Variants in L3MBTL1 observed in about 807,000 individuals in gnomAD.
L3MBTL1 encodes the protein lethal(3)malignant brain tumor-like protein 1.
Under a neutral mutation model 105.3 loss-of-function variants are expected in L3MBTL1, and 75 were observed. The ratio of observed to expected loss-of-function variants is 0.71; its 90% CI spans 0.59 to 0.86. L3MBTL1 has a LOEUF of 0.86. Among genes scored for constraint, L3MBTL1 ranks in the 40% least tolerant of loss-of-function variants. The probability of loss-of-function intolerance (pLI) is 0.00; values close to 1 mark genes in which losing one functional copy is unlikely to be tolerated. For missense variants in L3MBTL1, 1,069 were observed against 1,126.4 expected (o/e 0.95, Z 0.73); for synonymous variants, 452 against 436.2 (o/e 1.04, Z -0.45).
rs1173358346 is a variant in L3MBTL1, at chr20:43,541,423, A to G, written c.*295A>G. 1 of 370,370 alleles carries G rather than the reference A, an allele frequency of 2.7e-6. No individual in the cohort carries two copies. 22.9% of individuals were successfully genotyped at this position (370,370 alleles called of 1,614,324 possible). A position where few individuals can be genotyped will look rare whatever the true frequency, so the allele number is the denominator to read the frequency against. ...TGCAGAGCCATTGTGAGCATTGGAA[A>G]TGATGAATGAATCATACCAGAACGT... On this transcript the variant is annotated 3_prime_UTR_variant, in exon 22 of 22. Transcript: ENST00000418998.
At chr20:43,511,027 C>T (rs893522763) in intron 1 of L3MBTL1, among the ~76,000 whole-genome samples, 2 of 152,086 alleles carry the variant, frequency 1.3e-5, no homozygotes, top group African/African-American at 2.4e-5. Context: ...TGGGCCCATA[C>T]AGTGTTTTTT....
chr20:43,525,404 A>G (rs1403464554), intron 7 of L3MBTL1, among the ~76,000 whole-genome samples: 1 of 152,210 alleles, frequency 6.6e-6, no homozygotes, highest in Non-Finnish European at 1.5e-5. Context: ...TTATTAAAAA[A>G]AAAAGCATCT....
chr20:43,544,564 G>A (rs1040329389), downstream of L3MBTL1, among the ~76,000 whole-genome samples: 11 of 152,214 alleles, frequency 7.2e-5, no homozygotes, highest in East Asian at 2.1e-3. Context: ...ACAGACTCTG[G>A]CCTTTGCTTT....
In L3MBTL1 at chr20:43,527,270, C is replaced by A. The variant is rs138820425; in HGVS notation, c.863-1387C>A. Among the ~76,000 whole-genome samples, 27 of 152,300 alleles carry A rather than the reference C, an allele frequency of 1.8e-4. No individual in the cohort carries two copies. In the East Asian group the frequency reaches 4.8e-3, roughly 27 times the overall value. ...GAGGTGTAGAAGTTTCTAGAAGAAG[C>A]TGGAGCTATTTACCTAAGGGATATG... On this transcript the variant is annotated intron_variant, in intron 7 of 21. Coordinates refer to ENST00000418998, the MANE Select transcript of L3MBTL1 (RefSeq NM_001377303.1).
At position 43,541,861 on chromosome 20, in the gene L3MBTL1, G is replaced by A; in HGVS notation, c.*733G>A. On this transcript the variant is annotated 3_prime_UTR_variant, in exon 22 of 22. Transcript: ENST00000418998. ...TTTACCTATACAAAATGACTGCTAT[G>A]GTGGGAACACAATAAACACCAGTTT... is the stretch of plus-strand genomic sequence containing the variant. 1.0e-6 allele frequency: 1 copy of A among 985,382 alleles called. No homozygotes were observed. The highest frequency in any genetic ancestry group is 1.2e-6 in the Non-Finnish European group (1 of 829,902). The allele number at this position is 985,382 out of a possible 1,614,324, so 61.0% of individuals were successfully genotyped here. A position where few individuals can be genotyped will look rare whatever the true frequency, so the allele number is the denominator to read the frequency against.
intron 10 of L3MBTL1, 63 bp from the exon 11 acceptor site, chr20:43,530,735 G>A (rs770583217): frequency 1.1e-4 from 154 of 1,449,954 alleles, no homozygotes; most frequent in Admixed American, 2.0e-4. Flanking sequence ...CTTCACTGTG[G>A]GGTGCCCTTG....
intron 7 of L3MBTL1, among the ~76,000 whole-genome samples, chr20:43,524,443 GCTCATAAT>G (rs1161654641): frequency 6.6e-6 from 1 of 152,098 alleles, no homozygotes; most frequent in Non-Finnish European, 1.5e-5. Context: ...CACTTAATGA[GCTCATAAT>G]CTAGTTGCAG....
chr20:43,533,903 A>C, intron 13 of L3MBTL1, 105 bp from the exon 14 acceptor site: 1 of 801,910 alleles, frequency 1.2e-6, no homozygotes, highest in Non-Finnish European at 2.2e-6. Flanking sequence ...GAGAGATTCT[A>C]CTCCAAGGGC....
In L3MBTL1 at chr20:43,530,423, A is replaced by G; in HGVS notation, c.1192+4A>G. 1 of 1,613,762 alleles carries G rather than the reference A, an allele frequency of 6.2e-7. No homozygotes were observed. ...CACAAGCTGCAGCCTCCCAAAGGTA[A>G]GGCCTAGCTGGGTTGGTCACAGTGA... On this transcript the variant is annotated splice_donor_region_variant and intron_variant, in intron 10 of 21. Coordinates refer to ENST00000418998, the MANE Select transcript of L3MBTL1 (RefSeq NM_001377303.1).
In L3MBTL1 at chr20:43,541,415, C is replaced by A; in HGVS notation, c.*287C>A. On this transcript the variant is annotated 3_prime_UTR_variant, in exon 22 of 22. Coordinates refer to ENST00000418998, the MANE Select transcript of L3MBTL1 (RefSeq NM_001377303.1). ...GTCTACCTTGCAGAGCCATTGTGAG[C>A]ATTGGAAATGATGAATGAATCATAC... 1 of 385,822 alleles carries A rather than the reference C, an allele frequency of 2.6e-6. No homozygotes were observed. The highest frequency in any genetic ancestry group is 4.7e-6 in the Non-Finnish European group (1 of 212,988). 23.9% of individuals were successfully genotyped at this position (385,822 alleles called of 1,614,324 possible).
exon 19 of L3MBTL1, chr20:43,549,741 T>A (rs887194622): frequency 1.3e-5 from 2 of 152,162 alleles, no homozygotes; most frequent in Non-Finnish European, 2.9e-5. Flanking sequence ...TGTGTGTGTG[T>A]GTGTGTGTGT....
rs145982045 is a variant in L3MBTL1 at position 43,508,703 on chromosome 20, C to T, written c.-29+959C>T. On this transcript the variant is annotated intron_variant, in intron 1 of 21. Transcript: ENST00000418998. ...AGGTCGGGTCCCCCGAAACAGACTC[C>T]GATAGCAAGATTTGAGTGTAGGTTT... 3.3e-5 allele frequency among the ~76,000 whole-genome samples: 5 copies of T among 152,312 alleles called. No individual in the cohort carries two copies. In the South Asian group the frequency reaches 6.2e-4, roughly 19 times the overall value.
At chr20:43,514,511 G>A in intron 3 of L3MBTL1, 124 bp from the exon 4 acceptor site, 1 of 1,550,936 alleles carries the variant, frequency 6.4e-7, no homozygotes, top group Non-Finnish European at 8.7e-7. Flanking sequence ...CCCCTGGCGT[G>A]GAGTCTTGAG....
chr20:43,514,763 C>G lies in L3MBTL1; in HGVS notation c.489C>G (p.Gly163=), dbSNP rs1203735995. 1.3e-6 allele frequency: 2 copies of G among 1,552,410 alleles called. No individual in the cohort carries two copies. The highest frequency in any genetic ancestry group is 2.4e-5 in the South Asian group (2 of 84,410). The part of the protein sequence containing the change: ...GGAPAGDGEA[G]PQQAEDHPQN... ...CCCCGGCGGGAGATGGCGAGGCGGGCCCCCAACAGGCGGGTAGGAGCCCCG... is the reference window on the plus strand; with the variant it reads ...CCCCGGCGGGAGATGGCGAGGCGGGGCCCCAACAGGCGGGTAGGAGCCCCG... Residue 163 remains glycine (G), a synonymous_variant, in exon 4 of 22, where the codon GGC becomes GGG. Coordinates refer to ENST00000418998, the MANE Select transcript of L3MBTL1 (RefSeq NM_001377303.1).
At chr20:43,545,582 G>A (rs576358111), downstream of L3MBTL1, among the ~76,000 whole-genome samples, 1 of 152,148 alleles carries the variant, frequency 6.6e-6, no homozygotes, top group African/African-American at 2.4e-5. Flanking sequence ...AGGAGGTGCT[G>A]GAGAGAGAAT....
At chr20:43,515,228 G>C (rs2018324862) in intron 5 of L3MBTL1, 64 bp from the exon 6 acceptor site, 5 of 1,613,356 alleles carry the variant, frequency 3.1e-6, no homozygotes, top group Non-Finnish European at 4.2e-6. Context: ...CTGTTCAGGG[G>C]TTAGGAGAGG....
chr20:43,541,896 G>A, downstream of L3MBTL1: 2 of 985,416 alleles, frequency 2.0e-6, no homozygotes, highest in Non-Finnish European at 2.4e-6. Context: ...TTGACTTTTA[G>A]TGCATAGTTG....
chr20:43,516,965 T>A (rs1252266050), intron 7 of L3MBTL1, among the ~76,000 whole-genome samples: 3 of 151,574 alleles, frequency 2.0e-5, no homozygotes, highest in Non-Finnish European at 2.9e-5. Flanking sequence ...GCTAATTTTT[T>A]AAATTTTTGT....
At chr20:43,508,299 G>C (rs540030495) in intron 1 of L3MBTL1, among the ~76,000 whole-genome samples, 1 of 151,554 alleles carries the variant, frequency 6.6e-6, no homozygotes, top group East Asian at 1.9e-4. Context: ...TGACCGCCCC[G>C]CCCGCCTTTG....
Sources: gnomAD v4.1 joint callset for allele counts (sites outside exome capture counted in the v4.1 genomes callset) on GRCh38, gnomAD v4.1.1 for gene constraint, MANE v1.5 for transcripts, NCBI Gene and HGNC (gene_info 2026-07-23, HGNC 2026-07-21) for gene names.